ZBTB20: variants seen among roughly 807,000 people sequenced by gnomAD.
ZBTB20 encodes zinc finger and BTB domain-containing protein 20.
ZBTB20 carries 9 observed loss-of-function variants against 56.9 expected under a neutral mutation model. That is an observed-to-expected ratio of 0.16 (90% confidence interval 0.10 to 0.28). ZBTB20 has a LOEUF of 0.28. Ranked by LOEUF, ZBTB20 falls within the 10% of genes least tolerant of loss-of-function variation. The pLI, the probability that ZBTB20 is intolerant of heterozygous loss-of-function variation, is 1.00. For synonymous variants in ZBTB20, 417 were observed against 420.7 expected, an observed-to-expected ratio of 0.99 and a Z score of 0.11; for missense variants, 655 against 1,003.0, an observed-to-expected ratio of 0.65 and a Z score of 4.69.
intron 6 of ZBTB20, among the ~76,000 whole-genome samples, chr3:114,576,267 A>C (rs1431552058): frequency 2.0e-5 from 3 of 152,038 alleles, no homozygotes; most frequent in African/African-American, 7.2e-5. Flanking sequence ...TGGGAGGCCA[A>C]GGCGGGCAGA....
intron 1 of ZBTB20, among the ~76,000 whole-genome samples, chr3:115,146,979 G>GAGGGGGCGCGGGCGGGGCGGGGC (rs2085010977): frequency 1.3e-5 from 2 of 150,440 alleles, no homozygotes; most frequent in African/African-American, 4.9e-5. Flanking sequence ...GGGCGCCGGG[G>GAGGGGGCGCGGGCGGGGCGGGGC]GAGGGGGCGC....
chr3:114,444,032 T>C (rs967808448), intron 7 of ZBTB20, among the ~76,000 whole-genome samples: 10 of 152,168 alleles, frequency 6.6e-5, no homozygotes, highest in African/African-American at 2.4e-4. Context: ...TATTTGGGAA[T>C]ACTAGGAGAA....
Position 114,325,435 on chromosome 3 carries a change from C to T in ZBTB20, c.*13570G>A, listed in dbSNP as rs2079031385. On this transcript the variant is annotated 3_prime_UTR_variant, in exon 12 of 12. Coordinates refer to ENST00000675478, the MANE Select transcript of ZBTB20 (RefSeq NM_001348800.3). ...TATTATTTTATTTTCAGTGATCTCT[C>T]TGTACACTCCTCTCGGGCCCGGATA... The T allele has an allele frequency of 6.6e-6, 1 of 152,166 alleles. No homozygotes were observed. The highest frequency in any genetic ancestry group is 2.4e-5 in the African/African-American group (1 of 41,432). The allele number at this position is 152,166 out of a possible 1,614,324, so 9.4% of individuals were successfully genotyped here.
intron 6 of ZBTB20, among the ~76,000 whole-genome samples, chr3:114,654,932 A>C (rs2060313001): frequency 6.6e-6 from 1 of 152,170 alleles, no homozygotes; most frequent in Admixed American, 6.5e-5. Flanking sequence ...CATAAAGTCT[A>C]TTCTTTGTAA....
chr3:114,854,457 C>G (rs1185635439), intron 4 of ZBTB20, among the ~76,000 whole-genome samples: 3 of 152,104 alleles, frequency 2.0e-5, no homozygotes, highest in African/African-American at 4.8e-5. Context: ...AAAACACTTT[C>G]TGTTTTCCCG....
At chr3:114,667,004 T>C (rs1374115368) in intron 6 of ZBTB20, among the ~76,000 whole-genome samples, 3 of 152,024 alleles carry the variant, frequency 2.0e-5, no homozygotes, top group Non-Finnish European at 4.4e-5. Context: ...AGATTACATA[T>C]GAAATGTGTA....
At chr3:114,407,915 G>T (rs917393971) in intron 7 of ZBTB20, among the ~76,000 whole-genome samples, 2 of 151,638 alleles carry the variant, frequency 1.3e-5, no homozygotes, top group Admixed American at 1.3e-4. Flanking sequence ...TATATGAGGG[G>T]GGGGAAACAT....
intron 1 of ZBTB20, among the ~76,000 whole-genome samples, chr3:115,143,303 T>G (rs1184672946): frequency 6.6e-6 from 1 of 152,192 alleles, no homozygotes; most frequent in Non-Finnish European, 1.5e-5. Context: ...CAAAGCATTT[T>G]TTGCAGGTCT....
rs373550991 is a variant in ZBTB20 at position 114,856,429 on chromosome 3, A to G, written c.-417+43875T>C. Among the ~76,000 whole-genome samples the G allele has an allele frequency of 5.3e-5, 8 of 152,280 alleles. No individual in the cohort carries two copies. In the East Asian group the frequency reaches 5.8e-4, roughly 11 times the overall value. On this transcript the variant is annotated intron_variant, in intron 4 of 11. Transcript: ENST00000675478. ...CTAACAAGGATAAATAAGAGCAGAC[A>G]ATTCAGCCTGTGAGCTCTTGTTTAG... is the stretch of plus-strand genomic sequence containing the variant.
intron 6 of ZBTB20, among the ~76,000 whole-genome samples, chr3:114,569,922 T>C (rs1559973463): frequency 1.3e-5 from 2 of 152,062 alleles, no homozygotes; most frequent in African/African-American, 2.4e-5. Flanking sequence ...TCTAGAACTA[T>C]AAAAGTAGTA....
Position 114,336,094 on chromosome 3 carries a change from A to C in ZBTB20, c.*2911T>G, listed in dbSNP as rs1342994725. 1 of 152,264 alleles carries C rather than the reference A, an allele frequency of 6.6e-6. No individual in the cohort carries two copies. The highest frequency in any genetic ancestry group is 1.5e-5 in the Non-Finnish European group (1 of 68,044). The allele number at this position is 152,264 out of a possible 1,614,324, so 9.4% of individuals were successfully genotyped here. A position where few individuals can be genotyped will look rare whatever the true frequency, so the allele number is the denominator to read the frequency against. On this transcript the variant is annotated 3_prime_UTR_variant, in exon 12 of 12. Coordinates refer to ENST00000675478, the MANE Select transcript of ZBTB20 (RefSeq NM_001348800.3). ...TACTTTGCTAAATTTGAACAAAGAC[A>C]CTTTCAAATCTACTGTGAAACAGTT...
rs150905625 is a variant in ZBTB20 at position 114,425,041 on chromosome 3, G to T, written c.-254-35936C>A. Reference sequence around the variant, plus strand: ...CCAAGTTGAAAACCATTACATAATTGTGTAGCTGTGTATCTGAATGCCCTC... The same window carrying T: ...CCAAGTTGAAAACCATTACATAATTTTGTAGCTGTGTATCTGAATGCCCTC... On this transcript the variant is annotated intron_variant, in intron 7 of 11. Transcript: ENST00000675478. 7.5e-3 allele frequency among the ~76,000 whole-genome samples: 1,132 copies of T among 150,700 alleles called. 24 individuals carry two copies. The highest frequency in any genetic ancestry group is 0.027 in the Admixed American group (419 of 15,238).
chr3:114,981,684 C>T (rs188870884), intron 2 of ZBTB20, among the ~76,000 whole-genome samples: 1 of 152,150 alleles, frequency 6.6e-6, no homozygotes, highest in Admixed American at 6.6e-5. Context: ...ATCATACCCA[C>T]TTTATCAATG....
chr3:114,858,826 G>T (rs1235149041), intron 4 of ZBTB20, among the ~76,000 whole-genome samples: 4 of 151,922 alleles, frequency 2.6e-5, no homozygotes, highest in Non-Finnish European at 5.9e-5. Flanking sequence ...TTTTTTAGTG[G>T]AATCTACTTT....
chr3:115,140,354 C>G (rs1268477237), intron 1 of ZBTB20, among the ~76,000 whole-genome samples: 1 of 152,044 alleles, frequency 6.6e-6, no homozygotes, highest in Non-Finnish European at 1.5e-5. Context: ...ATTACTTCTA[C>G]TTACTTAATT....
intron 6 of ZBTB20, among the ~76,000 whole-genome samples, chr3:114,579,029 T>A (rs943709759): frequency 2.0e-5 from 3 of 151,938 alleles, no homozygotes; most frequent in African/African-American, 7.2e-5. Context: ...GTTAACCACC[T>A]TTTTTATACT....
chr3:114,409,258 C>G (rs2087687325), intron 7 of ZBTB20, among the ~76,000 whole-genome samples: 1 of 147,294 alleles, frequency 6.8e-6, no homozygotes, highest in African/African-American at 2.5e-5. Flanking sequence ...TAAAGAAGCA[C>G]AAAGAAACAC....
chr3:114,724,312 G>A (rs1346418913), intron 5 of ZBTB20, among the ~76,000 whole-genome samples: 1 of 152,114 alleles, frequency 6.6e-6, no homozygotes, highest in Non-Finnish European at 1.5e-5. Flanking sequence ...CTCATCACAT[G>A]GTAACACTAT....
At chr3:114,382,028 T>A (rs1215361030) in intron 8 of ZBTB20, among the ~76,000 whole-genome samples, 1 of 152,192 alleles carries the variant, frequency 6.6e-6, no homozygotes, top group African/African-American at 2.4e-5. Context: ...GTAGCCAAGA[T>A]CAAAGTTGCT....
Sources: allele counts gnomAD v4.1 joint callset (sites outside exome capture counted in the v4.1 genomes callset), GRCh38; gene constraint gnomAD v4.1.1; transcripts MANE v1.5; gene names NCBI Gene and HGNC (gene_info 2026-07-23, HGNC 2026-07-21).